Variants in SAMMSON observed in about 807,000 individuals in gnomAD.
The protein encoded by SAMMSON is long intergenic non-protein coding RNA 1212.
intron 4 of SAMMSON, among the ~76,000 whole-genome samples, chr3:70,175,055 A>G (rs550746122): frequency 4.5e-4 from 69 of 152,266 alleles, no homozygotes; most frequent in African/African-American, 1.6e-3. Flanking sequence ...CTTAAGTAAT[A>G]AGAAAATTTG....
At chr3:70,014,953 ATAAGT>A (rs1280672562) in intron 3 of SAMMSON, 17 of 152,186 alleles carry the variant, frequency 1.1e-4, no homozygotes, top group African/African-American at 4.1e-4. Context: ...ACCAATCAAC[ATAAGT>A]TAAGACAAAA....
At chr3:70,226,148 G>T (rs538858888) in intron 4 of SAMMSON, among the ~76,000 whole-genome samples, 1 of 152,252 alleles carries the variant, frequency 6.6e-6, no homozygotes, top group Admixed American at 6.5e-5. Flanking sequence ...TTTGAAGGAG[G>T]ACAGTAATCA....
intron 4 of SAMMSON, among the ~76,000 whole-genome samples, chr3:70,233,986 TA>T (rs1701586132): frequency 6.6e-6 from 1 of 152,230 alleles, no homozygotes; most frequent in South Asian, 2.1e-4. Flanking sequence ...TTCTCTTGGC[TA>T]AAACTCTAGG....
chr3:70,259,088 G>A (rs1279994510), intron 6 of SAMMSON, among the ~76,000 whole-genome samples: 2 of 152,058 alleles, frequency 1.3e-5, no homozygotes, highest in African/African-American at 2.4e-5. Flanking sequence ...GAAATTATAC[G>A]GTACCTCCTG....
intron 6 of SAMMSON, among the ~76,000 whole-genome samples, chr3:70,255,319 G>C (rs1701805609): frequency 6.6e-6 from 1 of 152,180 alleles, no homozygotes; most frequent in South Asian, 2.1e-4. Context: ...TTTATAGTCA[G>C]TAAAAGTGCA....
intron 4 of SAMMSON, chr3:70,125,561 G>A: frequency 2.9e-6 from 2 of 696,724 alleles, no homozygotes; most frequent in Non-Finnish European, 5.2e-6. Flanking sequence ...ATCAGCTTCA[G>A]TAACAGGTAG....
intron 4 of SAMMSON, among the ~76,000 whole-genome samples, chr3:70,248,587 A>G (rs1701730646): frequency 6.6e-6 from 1 of 152,136 alleles, no homozygotes; most frequent in South Asian, 2.1e-4. Context: ...TGTTGGCAGC[A>G]GATTGGAAGG....
chr3:70,021,663 T>C (rs965560165), intron 3 of SAMMSON, among the ~76,000 whole-genome samples: 4 of 152,174 alleles, frequency 2.6e-5, no homozygotes, highest in Non-Finnish European at 5.9e-5. Flanking sequence ...TCTCAGATTG[T>C]GGTGATATTA....
chr3:70,133,948 A>G (rs1316461866), intron 4 of SAMMSON, among the ~76,000 whole-genome samples: 1 of 152,064 alleles, frequency 6.6e-6, no homozygotes, highest in Non-Finnish European at 1.5e-5. Flanking sequence ...GTGGTTGTAA[A>G]ATTAAACAAA....
At chr3:70,246,660 T>C (rs1047425458) in intron 4 of SAMMSON, among the ~76,000 whole-genome samples, 3 of 152,092 alleles carry the variant, frequency 2.0e-5, no homozygotes, top group Non-Finnish European at 2.9e-5. Context: ...CCTACATTTA[T>C]ATAGCAATAC....
chr3:70,402,584 A>T (rs961126548), intron 2 of SAMMSON, among the ~76,000 whole-genome samples: 1 of 152,202 alleles, frequency 6.6e-6, no homozygotes, highest in South Asian at 2.1e-4. Context: ...ATCATGGGCT[A>T]GGTGTAGTGG....
chr3:70,352,181 A>G (rs1702799441), intron 7 of SAMMSON, among the ~76,000 whole-genome samples: 1 of 152,086 alleles, frequency 6.6e-6, no homozygotes, highest in African/African-American at 2.4e-5. Flanking sequence ...TTAAACACAA[A>G]TAACTTCATC....
intron 6 of SAMMSON, among the ~76,000 whole-genome samples, chr3:70,256,057 C>G (rs1701812609): frequency 6.6e-6 from 1 of 152,166 alleles, no homozygotes; most frequent in African/African-American, 2.4e-5. Flanking sequence ...TTTTGATACA[C>G]ATAGTAACAA....
chr3:70,095,066 G>A (rs2067318630), intron 4 of SAMMSON, among the ~76,000 whole-genome samples: 1 of 152,174 alleles, frequency 6.6e-6, no homozygotes, highest in African/African-American at 2.4e-5. Flanking sequence ...ATGAAACAAT[G>A]TTAGCTTTGG....
intron 3 of SAMMSON, chr3:70,068,067 T>C (rs890753060): frequency 1.3e-5 from 2 of 152,024 alleles, no homozygotes; most frequent in East Asian, 3.9e-4. Flanking sequence ...CACCCAGTTA[T>C]GTAGATGGAT....
intron 4 of SAMMSON, chr3:70,172,453 G>A (rs548725658): frequency 2.0e-4 from 30 of 151,946 alleles, no homozygotes; most frequent in Admixed American, 3.3e-4. Flanking sequence ...GCTTTCTGGC[G>A]TTATTCAAAG....
chr3:70,387,351 A>T (rs889573781), intron 9 of SAMMSON, among the ~76,000 whole-genome samples: 2 of 152,014 alleles, frequency 1.3e-5, no homozygotes, highest in Admixed American at 6.6e-5. Context: ...AACTCTTCTG[A>T]TATCATTTTT....
At chr3:70,198,428 A>G (rs1001106903) in intron 4 of SAMMSON, among the ~76,000 whole-genome samples, 1 of 152,120 alleles carries the variant, frequency 6.6e-6, no homozygotes, top group African/African-American at 2.4e-5. Context: ...TTCTTTCATT[A>G]TTCATATAAT....
intron 9 of SAMMSON, among the ~76,000 whole-genome samples, chr3:70,381,985 G>A (rs1188580400): frequency 6.6e-6 from 1 of 152,050 alleles, no homozygotes; most frequent in African/African-American, 2.4e-5. Context: ...ATCTTGTTAG[G>A]TGTAATACTC....
Sources: allele counts gnomAD v4.1 joint callset (sites outside exome capture counted in the v4.1 genomes callset), GRCh38; gene constraint gnomAD v4.1.1; transcripts MANE v1.5; gene names NCBI Gene and HGNC (gene_info 2026-07-23, HGNC 2026-07-21).